The following DIP2C variants were observed in gnomAD, a reference collection of about 807,000 sequenced individuals.
DIP2C encodes disco-interacting protein 2 homolog C.
In DIP2C, 33 loss-of-function variants were observed where a neutral mutation model predicts 192.4. The observed-to-expected ratio is 0.17, with a 90% CI of 0.13 to 0.23. The LOEUF is 0.23. DIP2C is among the 10% of genes least tolerant of loss of function. DIP2C has a pLI of 1.00. For missense variants in DIP2C, 1,537 were observed against 2,110.1 expected, an observed-to-expected ratio of 0.73 and a Z score of 5.32; for synonymous variants, 979 against 864.1, an observed-to-expected ratio of 1.13 and a Z score of -2.33.
intron 10 of DIP2C, among the ~76,000 whole-genome samples, chr10:392,320 G>A (rs1963532012): frequency 2.0e-5 from 3 of 152,198 alleles, no homozygotes; most frequent in Non-Finnish European, 2.9e-5. Flanking sequence ...GAACGGCTGA[G>A]GCCAGTCGCT....
At position 689,564 on chromosome 10, in the gene DIP2C, G is replaced by C. The variant is rs1260407667; in HGVS notation, c.15C>G (p.Ser5Arg). 3 of 1,241,222 alleles carry C rather than the reference G, an allele frequency of 2.4e-6. No individual in the cohort carries two copies. Among genetic ancestry groups the C allele is most frequent in the South Asian group, 3.7e-5 (2 of 54,578 alleles). The allele number at this position is 1,241,222 out of a possible 1,614,324, so 76.9% of individuals were successfully genotyped here. MADRSLEGMALPLEV... is the reference protein window; with the variant it reads MADRRLEGMALPLEV... Reference sequence around the variant, plus strand: ...CCAGGGGCAGCGCCATGCCCTCCAGGCTGCGGTCCGCCATGCTCCGCGGGC... The same window carrying C: ...CCAGGGGCAGCGCCATGCCCTCCAGCCTGCGGTCCGCCATGCTCCGCGGGC... Residue 5 changes from serine to arginine, a missense_variant, in exon 1 of 37, where the codon AGC becomes AGG. This residue lies in a region of DIP2C where 473 missense variants were observed against 539.6 expected (regional missense o/e 0.88). Transcript: ENST00000280886. This position sits in a 1 kb window ranked among gnomAD's most constrained non-coding sequence, Gnocchi z 6.1.
intron 3 of DIP2C, among the ~76,000 whole-genome samples, chr10:449,489 C>T (rs1463612621): frequency 6.6e-6 from 1 of 151,870 alleles, no homozygotes; most frequent in African/African-American, 2.4e-5. Flanking sequence ...AATAATTTAT[C>T]AAGAGTCCTG....
chr10:509,234 C>T (rs1845845187), intron 1 of DIP2C, among the ~76,000 whole-genome samples: 1 of 152,198 alleles, frequency 6.6e-6, no homozygotes, highest in Non-Finnish European at 1.5e-5. Flanking sequence ...ATAGAGGAGA[C>T]TGAAGGAAAA....
chr10:390,036 G>C lies in DIP2C; in HGVS notation c.1552C>G (p.Leu518Val), dbSNP rs763063665. 6.2e-7 allele frequency: 1 copy of C among 1,614,136 alleles called. No homozygotes were observed. The highest frequency in any genetic ancestry group is 8.5e-7 in the Non-Finnish European group (1 of 1,179,988). Residue 518 changes from leucine to valine, a missense_variant, in exon 13 of 37, where the codon CTG becomes GTG. By Grantham distance (32) the Leu-to-Val change is conservative. Coordinates refer to ENST00000280886, the MANE Select transcript of DIP2C (RefSeq NM_014974.3). ...LGVTVTRTAL[L>V]THCQALTQAC... The stretch of plus-strand genomic sequence containing the variant: ...TGCGTCAGGGCCTGGCAGTGTGTCA[G>C]CAGCGCAGTCCTCGTCACCGTCACA...
At chr10:301,801 C>T (rs1333260413) in intron 32 of DIP2C, among the ~76,000 whole-genome samples, 1 of 152,204 alleles carries the variant, frequency 6.6e-6, no homozygotes, top group Non-Finnish European at 1.5e-5. Context: ...ACACACCTGG[C>T]CAGGGGATGT....
intron 1 of DIP2C, among the ~76,000 whole-genome samples, chr10:561,712 T>C (rs537523573): frequency 1.2e-4 from 19 of 152,300 alleles, no homozygotes; most frequent in South Asian, 1.2e-3. Flanking sequence ...ACACAACTCC[T>C]GGTCCCGTCT....
At chr10:311,450 C>T in intron 31 of DIP2C, 1 of 1,147,980 alleles carries the variant, frequency 8.7e-7, no homozygotes, top group Non-Finnish European at 1.1e-6. Context: ...CTGCACTCAA[C>T]TGCTAGTCTG....
intron 23 of DIP2C, among the ~76,000 whole-genome samples, chr10:357,322 C>G (rs1959130029): frequency 6.6e-6 from 1 of 152,186 alleles, no homozygotes. Context: ...GGGTTTTGAA[C>G]TGCTTCTTAG....
chr10:561,713 G>A (rs1392383566), intron 1 of DIP2C, among the ~76,000 whole-genome samples: 1 of 152,142 alleles, frequency 6.6e-6, no homozygotes, highest in Non-Finnish European at 1.5e-5. Flanking sequence ...CACAACTCCT[G>A]GTCCCGTCTA....
At chr10:573,935 G>C (rs1849984549) in intron 1 of DIP2C, among the ~76,000 whole-genome samples, 1 of 152,202 alleles carries the variant, frequency 6.6e-6, no homozygotes, top group Non-Finnish European at 1.5e-5. Context: ...TCACAGACTA[G>C]AGCGTGACAG....
intron 13 of DIP2C, among the ~76,000 whole-genome samples, chr10:389,575 G>T (rs187410910): frequency 2.0e-5 from 3 of 152,194 alleles, no homozygotes; most frequent in Non-Finnish European, 2.9e-5. Context: ...CGTTAACAGC[G>T]TCTCCCCAGA....
intron 1 of DIP2C, among the ~76,000 whole-genome samples, chr10:534,802 G>A (rs938490181): frequency 2.6e-5 from 4 of 150,998 alleles, no homozygotes; most frequent in Admixed American, 1.3e-4. Context: ...TCAGCCTCCC[G>A]AGTAGCTGGG....
At chr10:538,953 T>C (rs554057101) in intron 1 of DIP2C, among the ~76,000 whole-genome samples, 10 of 151,436 alleles carry the variant, frequency 6.6e-5, no homozygotes, top group Admixed American at 5.9e-4. Flanking sequence ...TGTCTGTTCA[T>C]GTCATTCCGT....
intron 24 of DIP2C, among the ~76,000 whole-genome samples, chr10:351,291 G>A (rs1958797126): frequency 6.6e-6 from 1 of 152,248 alleles, no homozygotes; most frequent in Admixed American, 6.5e-5. Flanking sequence ...GGGGCACGGT[G>A]AGTGGAAGAT....
intron 3 of DIP2C, among the ~76,000 whole-genome samples, chr10:447,135 T>G (rs1968295567): frequency 6.6e-6 from 1 of 152,128 alleles, no homozygotes; most frequent in Non-Finnish European, 1.5e-5. Context: ...ACAAAGGGCT[T>G]GTCACACACA....
At chr10:555,147 C>T (rs1242215228) in intron 1 of DIP2C, among the ~76,000 whole-genome samples, 1 of 151,946 alleles carries the variant, frequency 6.6e-6, no homozygotes, top group Non-Finnish European at 1.5e-5. Context: ...AATCTCTTTA[C>T]CCATATGAGA....
chr10:337,341 G>GTCTGTGT (rs1957873817), intron 29 of DIP2C, among the ~76,000 whole-genome samples: 1 of 73,992 alleles, frequency 1.4e-5, no homozygotes, highest in African/African-American at 5.0e-5. Flanking sequence ...GGCCTAGGCA[G>GTCTGTGT]GTGTGTGCGC....
chr10:662,132 CAT>C, intron 1 of DIP2C: 1 of 717,364 alleles, frequency 1.4e-6, no homozygotes, highest in African/African-American at 1.7e-5. Flanking sequence ...AGGACTTCCA[CAT>C]TCTGACCCCA....
intron 1 of DIP2C, chr10:667,005 A>C (rs1857137608): frequency 6.6e-6 from 1 of 152,300 alleles, no homozygotes. Context: ...AAAAGAAACT[A>C]CTGCTCTGAC....
Sources: allele counts gnomAD v4.1 joint callset (sites outside exome capture counted in the v4.1 genomes callset), GRCh38; gene constraint gnomAD v4.1.1; regional missense constraint gnomAD v4.1.1; non-coding constraint Gnocchi (gnomAD v3.1); transcripts MANE v1.5; gene names NCBI Gene and HGNC (gene_info 2026-07-23, HGNC 2026-07-21).